FRMD4B: variants seen among roughly 807,000 people sequenced by gnomAD.
FRMD4B encodes the protein FERM domain-containing protein 4B.
FRMD4B carries 74 observed loss-of-function variants against 141.5 expected under a neutral mutation model. The ratio of observed to expected loss-of-function variants is 0.52; its 90% CI spans 0.43 to 0.63. The LOEUF (loss-of-function observed/expected upper bound fraction) is 0.63, where lower values mean the gene tolerates loss of function less well. FRMD4B is among the 30% of genes least tolerant of loss of function. The probability of loss-of-function intolerance (pLI) is 0.00; values close to 1 mark genes in which losing one functional copy is unlikely to be tolerated. For missense variants in FRMD4B, 1,366 were observed against 1,253.4 expected, an observed-to-expected ratio of 1.09 and a Z score of -1.36; for synonymous variants, 506 against 467.9, an observed-to-expected ratio of 1.08 and a Z score of -1.05.
At position 69,181,475 on chromosome 3, in the gene FRMD4B, G is replaced by A. The variant is rs754901089; in HGVS notation, c.2275C>T (p.Arg759Cys). The A allele has an allele frequency of 8.7e-6, 14 of 1,613,236 alleles. No homozygotes were observed. Among genetic ancestry groups the A allele is most frequent in the East Asian group, 2.2e-5 (1 of 44,874 alleles). ...PYYTTQTLDT[R>C]TRGRRRSKKQ... ...TTTGACCTCCTCCGACCCCTGGTGC[G>A]AGTGTCCAGGGTCTGGGTGGTGTAA... Residue 759 changes from arginine (R) to cysteine (C), a missense_variant, in exon 21 of 23, where the codon CGC (arginine) becomes TGC (cysteine). Transcript: ENST00000398540.
intron 1 of FRMD4B, among the ~76,000 whole-genome samples, chr3:69,457,747 A>G (rs1349231280): frequency 6.6e-6 from 1 of 152,216 alleles, no homozygotes; most frequent in East Asian, 1.9e-4. Flanking sequence ...TTAGAAAAGA[A>G]GTTTTCTGGC....
chr3:69,518,970 T>A (rs945375176), intron 1 of FRMD4B, among the ~76,000 whole-genome samples: 1 of 152,212 alleles, frequency 6.6e-6, no homozygotes, highest in African/African-American at 2.4e-5. Context: ...GTTTCTGTGT[T>A]GACACCTCAG....
exon 1 of FRMD4B, chr3:69,542,573 C>G (rs917375384): frequency 3.3e-5 from 5 of 152,564 alleles, no homozygotes; most frequent in African/African-American, 1.2e-4. Context: ...TCCTGCCTGC[C>G]TCCTCTCGCT....
intron 1 of FRMD4B, among the ~76,000 whole-genome samples, chr3:69,441,550 A>G (rs958898090): frequency 2.0e-5 from 3 of 152,128 alleles, no homozygotes; most frequent in Non-Finnish European, 2.9e-5. Context: ...ATTTGAATTT[A>G]TCTTCTTTGA....
At chr3:69,203,017 T>A (rs2092984670) in intron 11 of FRMD4B, among the ~76,000 whole-genome samples, 1 of 151,770 alleles carries the variant, frequency 6.6e-6, no homozygotes, top group African/African-American at 2.4e-5. Context: ...GGAATCAAGC[T>A]GTATTTTGAA....
At chr3:69,236,410 G>C (rs1023313950) in intron 7 of FRMD4B, among the ~76,000 whole-genome samples, 1 of 151,988 alleles carries the variant, frequency 6.6e-6, no homozygotes, top group Non-Finnish European at 1.5e-5. Flanking sequence ...TATATGTTTA[G>C]TAGAGATGGA....
At chr3:69,312,089 T>G (rs994992700) in intron 2 of FRMD4B, among the ~76,000 whole-genome samples, 2 of 152,150 alleles carry the variant, frequency 1.3e-5, no homozygotes, top group African/African-American at 4.8e-5. Context: ...TCAACAGTAA[T>G]GAGCACCTAG....
At chr3:69,289,837 G>T (rs546212956) in intron 4 of FRMD4B, among the ~76,000 whole-genome samples, 1 of 151,922 alleles carries the variant, frequency 6.6e-6, no homozygotes, top group Non-Finnish European at 1.5e-5. Context: ...AAAAAACAAC[G>T]TATAGCCAAT....
chr3:69,343,880 C>T (rs954306610), intron 1 of FRMD4B, among the ~76,000 whole-genome samples: 7 of 151,932 alleles, frequency 4.6e-5, no homozygotes, highest in East Asian at 1.9e-4. Context: ...ACACCCGGCC[C>T]GTCTTAACAG....
chr3:69,449,178 A>G (rs1050992380), intron 1 of FRMD4B, among the ~76,000 whole-genome samples: 2 of 152,214 alleles, frequency 1.3e-5, no homozygotes, highest in South Asian at 2.1e-4. Context: ...ATAAGATACC[A>G]TGTATTTTAA....
chr3:69,453,188 G>C (rs1224940971), intron 1 of FRMD4B, among the ~76,000 whole-genome samples: 1 of 152,164 alleles, frequency 6.6e-6, no homozygotes. Context: ...TGAGTAGATG[G>C]CCATTAAAAG....
intron 5 of FRMD4B, among the ~76,000 whole-genome samples, chr3:69,265,549 G>A (rs1426370311): frequency 1.4e-5 from 2 of 142,330 alleles, no homozygotes; most frequent in South Asian, 2.3e-4. Context: ...CCCGGTTCAC[G>A]CCATTCTCCT....
chr3:69,174,521 TTTA>T (rs1378163433), intron 22 of FRMD4B, among the ~76,000 whole-genome samples: 4 of 152,206 alleles, frequency 2.6e-5, no homozygotes, highest in Non-Finnish European at 4.4e-5. Context: ...TATTTATCTC[TTTA>T]TTATAAATTT....
chr3:69,363,248 G>GTTTTTTTTTTT (rs56074743), intron 1 of FRMD4B, among the ~76,000 whole-genome samples: 5 of 132,754 alleles, frequency 3.8e-5, no homozygotes, highest in African/African-American at 9.0e-5. Flanking sequence ...TTTTTACCAT[G>GTTTTTTTTTTT]TTTTTTTTTT....
At chr3:69,340,229 A>G (rs1670738709) in intron 1 of FRMD4B, among the ~76,000 whole-genome samples, 1 of 151,860 alleles carries the variant, frequency 6.6e-6, no homozygotes, top group Non-Finnish European at 1.5e-5. Context: ...AACTCATGTC[A>G]TGGGGGTTTG....
chr3:69,472,741 G>A (rs1705913202), intron 1 of FRMD4B, among the ~76,000 whole-genome samples: 1 of 152,006 alleles, frequency 6.6e-6, no homozygotes, highest in African/African-American at 2.4e-5. Context: ...CTGCAGAGAG[G>A]GGACCCGGAA....
At chr3:69,516,130 C>T (rs1054530529) in intron 1 of FRMD4B, among the ~76,000 whole-genome samples, 1 of 152,036 alleles carries the variant, frequency 6.6e-6, no homozygotes, top group Non-Finnish European at 1.5e-5. Flanking sequence ...GAGGCTGAGG[C>T]AGGAAGATTG....
chr3:69,325,121 G>T (rs1388953989), intron 1 of FRMD4B, among the ~76,000 whole-genome samples: 1 of 151,454 alleles, frequency 6.6e-6, no homozygotes, highest in African/African-American at 2.4e-5. Context: ...AAGAAAGAAA[G>T]AAAGAAAAGA....
chr3:69,243,025 C>T lies in FRMD4B; in HGVS notation c.581+6201G>A, dbSNP rs2093397959. ...AAAAAAAAAAAAAGCTTTGCTTTTA[C>T]AAACTCATTTGTGGCTGGCAGCTGG... On this transcript the variant is annotated intron_variant, in intron 7 of 22. Transcript: ENST00000398540. 3.4e-5 allele frequency among the ~76,000 whole-genome samples: 5 copies of T among 145,248 alleles called. No homozygotes were observed. The South Asian group carries it at 6.7e-4, about 19-fold the overall frequency.
Sources: gnomAD v4.1 joint callset for allele counts (sites outside exome capture counted in the v4.1 genomes callset) on GRCh38, gnomAD v4.1.1 for gene constraint, MANE v1.5 for transcripts, NCBI Gene and HGNC (gene_info 2026-07-23, HGNC 2026-07-21) for gene names.